GALK2: variants seen among roughly 807,000 people sequenced by gnomAD.
The protein encoded by GALK2 is N-acetylgalactosamine kinase.
Under a neutral mutation model 52.4 loss-of-function variants are expected in GALK2, and 36 were observed. That is an observed-to-expected ratio of 0.69 (90% CI 0.53 to 0.91). The LOEUF is 0.91. GALK2 is among the 40% of genes least tolerant of loss of function. GALK2 has a pLI of 0.00. For missense variants in GALK2, 579 were observed against 559.1 expected (o/e 1.04, Z -0.36); for synonymous variants, 176 against 199.1 (o/e 0.88, Z 0.98).
At chr15:49,224,732 A>G (rs909354384) in intron 3 of GALK2, among the ~76,000 whole-genome samples, 3 of 152,204 alleles carry the variant, frequency 2.0e-5, no homozygotes, top group Admixed American at 6.5e-5. Flanking sequence ...TTTGGTTACT[A>G]TAGCCTTGTA....
At chr15:49,295,684 A>G (rs922360803) in intron 8 of GALK2, among the ~76,000 whole-genome samples, 3 of 152,088 alleles carry the variant, frequency 2.0e-5, no homozygotes, top group African/African-American at 7.2e-5. Flanking sequence ...CCTTGGTTGG[A>G]CCATTCCACT....
In GALK2 at chr15:49,329,621, G is replaced by A; in HGVS notation, c.*1462G>A. 1 of 984,828 alleles carries A rather than the reference G, an allele frequency of 1.0e-6. No individual in the cohort carries two copies. Among genetic ancestry groups the A allele is most frequent in the Non-Finnish European group, 1.2e-6 (1 of 829,472 alleles). 61.0% of individuals were successfully genotyped at this position (984,828 alleles called of 1,614,324 possible). ...AACTTCTGATGCATTTTCATTCTTAGCAGAAAGGTAAATGCTTGAGAAAGC... is the reference window on the plus strand; with the variant it reads ...AACTTCTGATGCATTTTCATTCTTAACAGAAAGGTAAATGCTTGAGAAAGC... On this transcript the variant is annotated 3_prime_UTR_variant, in exon 10 of 10. Coordinates refer to ENST00000560031, the MANE Select transcript of GALK2 (RefSeq NM_002044.4).
At chr15:49,205,228 C>G (rs780626703) in intron 2 of GALK2, among the ~76,000 whole-genome samples, 11 of 152,140 alleles carry the variant, frequency 7.2e-5, no homozygotes, top group Non-Finnish European at 1.2e-4. Flanking sequence ...GACTTCTTTT[C>G]CTCTGAGTAG....
chr15:49,367,682 T>C, exon 4 of GALK2: 2 of 1,326,150 alleles, frequency 1.5e-6, no homozygotes, highest in Non-Finnish European at 2.0e-6. Context: ...AAATATAACT[T>C]CATATTTAGC....
intron 3 of GALK2, among the ~76,000 whole-genome samples, chr15:49,221,658 A>G (rs1309651031): frequency 6.6e-6 from 1 of 151,908 alleles, no homozygotes; most frequent in Admixed American, 6.6e-5. Context: ...CAAGAGCAAA[A>G]TCTCTGTCTT....
At position 49,217,332 on chromosome 15, in the gene GALK2, TAG is replaced by T; in HGVS notation, c.266+20_266+21del. 1.9e-6 allele frequency: 3 copies of T among 1,613,168 alleles called. No homozygotes were observed. In the Admixed American group the frequency reaches 5.0e-5, roughly 27 times the overall value. ...TGTATCCGTGAGTATTTAAAATTGT[TAG>T]TGTGTGTGTATGTATGGTTCTGTTT... is the stretch of plus-strand genomic sequence containing the variant. On this transcript the variant is annotated intron_variant, in intron 3 of 9. Transcript: ENST00000560031.
chr15:49,258,732 G>C (rs536756620), intron 5 of GALK2, among the ~76,000 whole-genome samples: 1 of 150,634 alleles, frequency 6.6e-6, no homozygotes, highest in South Asian at 2.1e-4. Context: ...ATTCTGGTCT[G>C]TTTTCTCCTG....
intron 1 of GALK2, among the ~76,000 whole-genome samples, chr15:49,189,920 C>G (rs1048390178): frequency 5.9e-5 from 9 of 152,130 alleles, no homozygotes; most frequent in African/African-American, 2.2e-4. Flanking sequence ...CCACAGAAAA[C>G]AAAACCACAA....
At chr15:49,263,899 C>A (rs1435458447) in intron 5 of GALK2, among the ~76,000 whole-genome samples, 3 of 151,508 alleles carry the variant, frequency 2.0e-5, no homozygotes, top group African/African-American at 7.3e-5. Context: ...ATATTGGCCC[C>A]CACTCTCTTC....
At chr15:49,345,565 C>T (rs1030361986) in intron 3 of GALK2, among the ~76,000 whole-genome samples, 1 of 152,210 alleles carries the variant, frequency 6.6e-6, no homozygotes, top group Non-Finnish European at 1.5e-5. Flanking sequence ...TGGTTATATT[C>T]TACTCCTTGG....
At chr15:49,246,884 G>A (rs1374275233) in intron 5 of GALK2, among the ~76,000 whole-genome samples, 5 of 152,158 alleles carry the variant, frequency 3.3e-5, no homozygotes, top group African/African-American at 1.2e-4. Context: ...GCCATGCGTT[G>A]TTCTAGGCAC....
chr15:49,300,311 C>T (rs1370347033), intron 8 of GALK2, among the ~76,000 whole-genome samples: 2 of 151,910 alleles, frequency 1.3e-5, no homozygotes, highest in Non-Finnish European at 2.9e-5. Context: ...CATCCCTTTA[C>T]TTTGAGCCTA....
chr15:49,329,398 G>A lies in GALK2; in HGVS notation c.*1239G>A. The A allele has an allele frequency of 1.0e-6, 1 of 985,176 alleles. No individual in the cohort carries two copies. Among genetic ancestry groups the A allele is most frequent in the African/African-American group, 1.7e-5 (1 of 57,324 alleles). 61.0% of individuals were successfully genotyped at this position (985,176 alleles called of 1,614,324 possible). On this transcript the variant is annotated 3_prime_UTR_variant, in exon 10 of 10. Coordinates refer to ENST00000560031, the MANE Select transcript of GALK2 (RefSeq NM_002044.4). ...GTAATTGAGATAGCAATGGTTTTAT[G>A]GCATGAATTATCCAAAAAAATATCA... is the stretch of plus-strand genomic sequence containing the variant.
chr15:49,367,467 T>C (rs773393896), intron 3 of GALK2: 1 of 1,589,392 alleles, frequency 6.3e-7, no homozygotes. Flanking sequence ...AATATCTTAG[T>C]GAGTTTAATC....
chr15:49,169,206 C>T (rs771678730), upstream of GALK2: 19 of 151,650 alleles, frequency 1.3e-4, no homozygotes, highest in African/African-American at 4.1e-4. Flanking sequence ...TACAACTTAT[C>T]GAATCTCTCT....
intron 1 of GALK2, among the ~76,000 whole-genome samples, chr15:49,184,893 C>T (rs1182069722): frequency 1.3e-5 from 2 of 152,108 alleles, no homozygotes; most frequent in Admixed American, 1.3e-4. Context: ...AAGTAGTATA[C>T]ATGCCACAAT....
intron 3 of GALK2, among the ~76,000 whole-genome samples, chr15:49,229,768 G>A (rs904233384): frequency 6.6e-6 from 1 of 152,098 alleles, no homozygotes; most frequent in Non-Finnish European, 1.5e-5. Context: ...GGGGAGAGTG[G>A]GGTTGCTTTT....
chr15:49,278,262 AAAAAAC>A (rs1339207189), intron 5 of GALK2, among the ~76,000 whole-genome samples: 3 of 152,224 alleles, frequency 2.0e-5, no homozygotes, highest in Admixed American at 6.5e-5. Flanking sequence ...CACTGACTCA[AAAAAAC>A]AAAAACAAAA....
chr15:49,222,344 A>G (rs1425751801), intron 3 of GALK2, among the ~76,000 whole-genome samples: 1 of 152,158 alleles, frequency 6.6e-6, no homozygotes, highest in Admixed American at 6.5e-5. Context: ...CCTGTGAAAC[A>G]GGACAATTTA....
Sources: gnomAD v4.1 joint callset for allele counts (sites outside exome capture counted in the v4.1 genomes callset) on GRCh38, gnomAD v4.1.1 for gene constraint, MANE v1.5 for transcripts, NCBI Gene and HGNC (gene_info 2026-07-23, HGNC 2026-07-21) for gene names.